Variants in OPN3 observed in about 807,000 individuals in gnomAD.
The protein encoded by OPN3 is opsin-3.
Under a neutral mutation model 33.8 loss-of-function variants are expected in OPN3, and 29 were observed. The ratio of observed to expected loss-of-function variants is 0.86; its 90% confidence interval spans 0.64 to 1.17. The LOEUF (loss-of-function observed/expected upper bound fraction) is 1.17. Ranked by LOEUF, OPN3 falls within the 50% of genes most tolerant of loss-of-function variation. The pLI is 0.00. For synonymous variants in OPN3, 216 were observed against 216.1 expected (o/e 1.00, Z 0.00); for missense variants, 437 against 514.1 (o/e 0.85, Z 1.45).
intron 1 of OPN3, among the ~76,000 whole-genome samples, chr1:241,625,812 T>C (rs1664405090): frequency 6.6e-6 from 1 of 152,218 alleles, no homozygotes; most frequent in African/African-American, 2.4e-5. Context: ...GTGCAGTTTT[T>C]CTCAACTTGG....
intron 1 of OPN3, among the ~76,000 whole-genome samples, chr1:241,611,346 C>A (rs947971542): frequency 2.0e-5 from 3 of 151,972 alleles, no homozygotes; most frequent in African/African-American, 4.8e-5. Flanking sequence ...GAAACCCATG[C>A]CTTCAAGGAG....
intron 3 of OPN3, chr1:241,595,508 C>A (rs149617500): frequency 2.0e-5 from 3 of 152,144 alleles, no homozygotes; most frequent in Admixed American, 2.0e-4. Context: ...TTATAGTAGT[C>A]GGTCCATCAT....
chr1:241,601,420 T>C (rs1573951423), intron 2 of OPN3, among the ~76,000 whole-genome samples: 1 of 151,740 alleles, frequency 6.6e-6, no homozygotes, highest in Non-Finnish European at 1.5e-5. Flanking sequence ...CCAAAAAATA[T>C]AGGGCTAGGA....
chr1:241,616,137 C>T (rs1408877880), intron 1 of OPN3, among the ~76,000 whole-genome samples: 2 of 152,128 alleles, frequency 1.3e-5, no homozygotes, highest in Non-Finnish European at 2.9e-5. Context: ...GGTGCATCCT[C>T]TCTCTAAGAT....
rs543474786 is a variant in OPN3 at position 241,613,155 on chromosome 1, T to C, written c.374-8576A>G. On this transcript the variant is annotated intron_variant, in intron 1 of 3. Coordinates refer to ENST00000366554, the MANE Select transcript of OPN3 (RefSeq NM_014322.3). Reference sequence around the variant, plus strand: ...TTTGTTGAGAAAGTTTCCTTCCTCCTTTTTATTTAATTAACAATAGTAATT... The same window carrying C: ...TTTGTTGAGAAAGTTTCCTTCCTCCCTTTTATTTAATTAACAATAGTAATT... 3.0e-4 allele frequency among the ~76,000 whole-genome samples: 46 copies of C among 152,364 alleles called. 2 individuals carry two copies. The South Asian group carries it at 8.9e-3, about 29-fold the overall frequency.
intron 1 of OPN3, among the ~76,000 whole-genome samples, chr1:241,626,640 A>T (rs684338): frequency 0.74 from 112,815 of 152,136 alleles, 42,560 homozygotes; most frequent in African/African-American, 0.88. Flanking sequence ...TTTTCCTTTA[A>T]AGCTGGTAAA....
chr1:241,604,606 T>C, intron 1 of OPN3, 27 bp from the exon 2 acceptor site: 1 of 1,590,298 alleles, frequency 6.3e-7, no homozygotes, highest in South Asian at 1.1e-5. Context: ...TGGAAAAGTA[T>C]AGCATGGTGC....
intron 2 of OPN3, among the ~76,000 whole-genome samples, chr1:241,602,745 C>A (rs1051022616): frequency 6.6e-6 from 1 of 152,150 alleles, no homozygotes; most frequent in Admixed American, 6.6e-5. Context: ...GAGCCCCATC[C>A]TCATGACCTC....
In OPN3 at chr1:241,617,275, C is replaced by A. The variant is rs1164421824; in HGVS notation, c.374-12696G>T. On this transcript the variant is annotated intron_variant, in intron 1 of 3. Coordinates refer to ENST00000366554, the MANE Select transcript of OPN3 (RefSeq NM_014322.3). Reference sequence around the variant, plus strand: ...TTGGATTTTCCCCAAAAAGATTACACAAAGCAAGTTGTTTCTCAGCAATGG... The same window carrying A: ...TTGGATTTTCCCCAAAAAGATTACAAAAAGCAAGTTGTTTCTCAGCAATGG... Among the ~76,000 whole-genome samples the A allele has an allele frequency of 1.3e-5, 2 of 152,168 alleles. 1 individual carries two copies. The highest frequency in any genetic ancestry group is 1.3e-4 in the Admixed American group (2 of 15,278).
At chr1:241,609,986 T>C (rs1428784266) in intron 1 of OPN3, among the ~76,000 whole-genome samples, 1 of 152,246 alleles carries the variant, frequency 6.6e-6, no homozygotes, top group Non-Finnish European at 1.5e-5. Flanking sequence ...TACAACCATA[T>C]TTAAACTGTG....
rs184688420 is a variant in OPN3 at position 241,612,903 on chromosome 1, C to T, written c.374-8324G>A. 8.3e-3 allele frequency among the ~76,000 whole-genome samples: 1,262 copies of T among 152,210 alleles called. 8 individuals are homozygous for T. The highest frequency in any genetic ancestry group is 0.013 in the Non-Finnish European group (890 of 68,006). On this transcript the variant is annotated intron_variant, in intron 1 of 3. Transcript: ENST00000366554. ...TCATGGTCCCCTTAAAAATCCCAAC[C>T]CAGATCTCCTCAGGGAGATGAATTT...
intron 1 of OPN3, chr1:241,631,160 A>G (rs1344616926): frequency 6.6e-6 from 1 of 152,104 alleles, no homozygotes. Context: ...AAATTTTTAA[A>G]TGCTTTTTAT....
intron 3 of OPN3, 52 bp from the exon 4 acceptor site, chr1:241,594,743 C>A: frequency 6.3e-7 from 1 of 1,578,300 alleles, no homozygotes; most frequent in South Asian, 1.2e-5. Flanking sequence ...GGGCACTAAT[C>A]TGGATTAACA....
intron 3 of OPN3, among the ~76,000 whole-genome samples, chr1:241,596,856 G>T (rs959904245): frequency 1.3e-5 from 2 of 152,134 alleles, no homozygotes; most frequent in African/African-American, 4.8e-5. Flanking sequence ...ACAGGGTCTC[G>T]CTCTGTCGCC....
intron 1 of OPN3, among the ~76,000 whole-genome samples, chr1:241,613,098 A>G (rs1356538662): frequency 6.6e-6 from 1 of 152,198 alleles, no homozygotes; most frequent in East Asian, 1.9e-4. Flanking sequence ...CAAGTAACCA[A>G]TTCTTCTTTG....
At chr1:241,634,899 T>C (rs776480312) in intron 1 of OPN3, 2 of 1,611,064 alleles carry the variant, frequency 1.2e-6, no homozygotes, top group Non-Finnish European at 1.7e-6. Flanking sequence ...TCAACCATGG[T>C]GAGTTCCTTG....
At chr1:241,633,805 A>C in intron 1 of OPN3, 1 of 1,613,450 alleles carries the variant, frequency 6.2e-7, no homozygotes, top group Non-Finnish European at 8.5e-7. Flanking sequence ...TCTAATTTTG[A>C]AGGTGCTTCT....
At chr1:241,616,652 A>G (rs1394941823) in intron 1 of OPN3, among the ~76,000 whole-genome samples, 2 of 152,188 alleles carry the variant, frequency 1.3e-5, no homozygotes, top group Admixed American at 1.3e-4. Context: ...AGTTATATAC[A>G]CATGACCATG....
At chr1:241,622,381 A>G (rs1375286459) in intron 1 of OPN3, among the ~76,000 whole-genome samples, 1 of 152,170 alleles carries the variant, frequency 6.6e-6, no homozygotes, top group East Asian at 1.9e-4. Context: ...CAAAATTTTA[A>G]TGCTTTCTTA....
Sources: gnomAD v4.1 joint callset for allele counts (sites outside exome capture counted in the v4.1 genomes callset) on GRCh38, gnomAD v4.1.1 for gene constraint, MANE v1.5 for transcripts, NCBI Gene and HGNC (gene_info 2026-07-23, HGNC 2026-07-21) for gene names.